The following MEGF6 variants were observed in gnomAD, a reference collection of about 807,000 sequenced individuals.
MEGF6 encodes multiple EGF like domains 6, also known as multiple epidermal growth factor-like domains protein 6.
In MEGF6, 184 loss-of-function variants were observed where a neutral mutation model predicts 207.1. The ratio of observed to expected loss-of-function variants is 0.89; its 90% CI spans 0.79 to 1.00. The LOEUF is 1.00. Ranked by LOEUF, MEGF6 falls within the 50% of genes least tolerant of loss-of-function variation. The pLI is 0.00. For synonymous variants in MEGF6, 1,038 were observed against 910.0 expected (o/e 1.14, Z -2.53); for missense variants, 2,282 against 2,202.9 (o/e 1.04, Z -0.72).
chr1:3,528,161 G>A (rs1642028392), intron 4 of MEGF6, among the ~76,000 whole-genome samples: 1 of 152,248 alleles, frequency 6.6e-6, no homozygotes, highest in Admixed American at 6.5e-5. Flanking sequence ...GAGGCCTACA[G>A]GGACAGGCAC....
At chr1:3,589,204 G>A (rs929757980) in intron 3 of MEGF6, among the ~76,000 whole-genome samples, 2 of 152,120 alleles carry the variant, frequency 1.3e-5, no homozygotes, top group Non-Finnish European at 1.5e-5. Flanking sequence ...AGCTGGAAGA[G>A]ATAGGAAGGA....
rs1319054665 is a variant in MEGF6, at chr1:3,573,662, C to G, written c.481+6163G>C. The stretch of plus-strand genomic sequence containing the variant: ...AGGCTGTGAAAAGAACATCCCTGCC[C>G]CAGAGCCCGCCCTTCCAGGAGCCCC... On this transcript the variant is annotated intron_variant, in intron 4 of 36. Transcript: ENST00000356575. The surrounding 1 kb of genome is among the most constrained non-coding windows in gnomAD (Gnocchi z 5.1). Among the ~76,000 whole-genome samples, 1 of 152,130 alleles carries G rather than the reference C, an allele frequency of 6.6e-6. No homozygotes were observed. The highest frequency in any genetic ancestry group is 1.5e-5 in the Non-Finnish European group (1 of 68,000).
chr1:3,565,170 C>T lies in MEGF6; in HGVS notation c.481+14655G>A, dbSNP rs2101662442. Among the ~76,000 whole-genome samples the T allele has an allele frequency of 6.6e-6, 1 of 152,202 alleles. No individual in the cohort carries two copies. Among genetic ancestry groups the T allele is most frequent in the East Asian group, 1.9e-4 (1 of 5,170 alleles). ...AGGTACCCCCTTCTTACCCTGGAAC[C>T]CCCTGCCTGGGTCTCGTCCTCTCTC... On this transcript the variant is annotated intron_variant, in intron 4 of 36. Coordinates refer to ENST00000356575, the MANE Select transcript of MEGF6 (RefSeq NM_001409.4). This position sits in a 1 kb window ranked among gnomAD's most constrained non-coding sequence, Gnocchi z 4.8.
intron 1 of MEGF6, among the ~76,000 whole-genome samples, chr1:3,608,750 G>A (rs917476939): frequency 1.3e-5 from 2 of 152,128 alleles, no homozygotes; most frequent in East Asian, 1.9e-4. Flanking sequence ...GTGGGCAATC[G>A]GCCCCCGTCT....
chr1:3,496,662 G>A lies in MEGF6; in HGVS notation c.3735C>T (p.Cys1245=), dbSNP rs1640616217. The change falls in exon 29 of 37, where the codon TGC becomes TGT. Residue 1245 remains cysteine (C), a synonymous_variant. Coordinates refer to ENST00000356575, the MANE Select transcript of MEGF6 (RefSeq NM_001409.4). Reference sequence around the variant, plus strand: ...CTGCCACCAGCCACTCACTGAGGTTGCAGTCCGTCCCGAGGAACCCAGTGG... The same window carrying A: ...CTGCCACCAGCCACTCACTGAGGTTACAGTCCGTCCCGAGGAACCCAGTGG... The part of the protein sequence containing the change: ...RCPTGFLGTD[C]NLTCPQGRFG... 2.5e-6 allele frequency: 4 copies of A among 1,574,978 alleles called. No homozygotes were observed. In the African/African-American group the frequency reaches 5.4e-5, roughly 21 times the overall value.
chr1:3,553,374 G>C (rs189414315), intron 4 of MEGF6, among the ~76,000 whole-genome samples: 111 of 151,826 alleles, frequency 7.3e-4, no homozygotes, highest in African/African-American at 2.6e-3. Flanking sequence ...GAGTCTTCAG[G>C]AACAGGCGGG....
At chr1:3,604,157 A>G (rs764372456) in intron 1 of MEGF6, among the ~76,000 whole-genome samples, 4 of 152,202 alleles carry the variant, frequency 2.6e-5, no homozygotes, top group Non-Finnish European at 4.4e-5. Context: ...TCTCCAGTCA[A>G]GTCCGAGAGG....
In MEGF6 at chr1:3,488,903, G is replaced by A. The variant is rs114569826; in HGVS notation, c.*1625C>T. ...TTGGTCGTCGTTGCTTCATGTCAAT[G>A]ACTTCTTACTTTTGTATTTTGCAGT... is the stretch of plus-strand genomic sequence containing the variant. On this transcript the variant is annotated 3_prime_UTR_variant, in exon 37 of 37. Coordinates refer to ENST00000356575, the MANE Select transcript of MEGF6 (RefSeq NM_001409.4). Among the ~76,000 whole-genome samples the A allele has an allele frequency of 1.1e-3, 170 of 152,240 alleles. No homozygotes were observed. Among genetic ancestry groups the A allele is most frequent in the African/African-American group, 3.9e-3 (162 of 41,530 alleles).
intron 4 of MEGF6, among the ~76,000 whole-genome samples, chr1:3,542,167 T>C (rs549311610): frequency 1.1e-4 from 17 of 152,266 alleles, no homozygotes; most frequent in Admixed American, 5.2e-4. Context: ...CAGCACAGTG[T>C]CGGGGCTGAA....
chr1:3,541,139 G>A (rs532880428), intron 4 of MEGF6, among the ~76,000 whole-genome samples: 6 of 152,174 alleles, frequency 3.9e-5, no homozygotes, highest in Admixed American at 1.3e-4. Context: ...CTCTGACTCC[G>A]CAAATGCTCC....
intron 11 of MEGF6, among the ~76,000 whole-genome samples, 177 bp downstream of exon 11, chr1:3,509,693 C>A (rs1641260171): frequency 6.6e-6 from 1 of 152,216 alleles, no homozygotes; most frequent in African/African-American, 2.4e-5. Context: ...AGAGGCAGGA[C>A]CTCAGTGGGT....
At chr1:3,563,281 G>A (rs1004306179) in intron 4 of MEGF6, among the ~76,000 whole-genome samples, 4 of 149,668 alleles carry the variant, frequency 2.7e-5, no homozygotes, top group East Asian at 1.9e-4. Flanking sequence ...TGGCCACGAC[G>A]CTGGGCACTG....
chr1:3,504,201 G>T (rs1290938193), intron 17 of MEGF6, among the ~76,000 whole-genome samples: 1 of 152,180 alleles, frequency 6.6e-6, no homozygotes, highest in Non-Finnish European at 1.5e-5. Context: ...CCATGGTCAT[G>T]CTGGTCACAC....
At chr1:3,499,017 C>T in intron 24 of MEGF6, 121 bp downstream of exon 24, 2 of 1,452,998 alleles carry the variant, frequency 1.4e-6, no homozygotes, top group East Asian at 4.9e-5. Context: ...AGGCACGGTC[C>T]TCAGTCCTAA....
Position 3,542,416 on chromosome 1 carries a change from C to T in MEGF6, c.482-18170G>A, listed in dbSNP as rs139653178. On this transcript the variant is annotated intron_variant, in intron 4 of 36. Coordinates refer to ENST00000356575, the MANE Select transcript of MEGF6 (RefSeq NM_001409.4). ...CCCGGCTGGCAGTGGAGGGAGGAAG[C>T]TGGGCTTGCATGGACACCTGCCAGG... Among the ~76,000 whole-genome samples the T allele has an allele frequency of 5.8e-3, 876 of 152,288 alleles. 9 individuals are homozygous for T. The highest frequency in any genetic ancestry group is 0.021 in the African/African-American group (856 of 41,560).
At chr1:3,613,857 C>T (rs1289346159), upstream of MEGF6, among the ~76,000 whole-genome samples, 1 of 151,828 alleles carries the variant, frequency 6.6e-6, no homozygotes, top group East Asian at 1.9e-4. Flanking sequence ...GCTGTGCTCT[C>T]CCCTGTCCCA....
chr1:3,534,031 G>A (rs1442779666), intron 4 of MEGF6, among the ~76,000 whole-genome samples: 3 of 152,054 alleles, frequency 2.0e-5, no homozygotes, highest in East Asian at 1.9e-4. Flanking sequence ...CTCCTGCCTC[G>A]TGCTGTCTCG....
At chr1:3,491,135 G>C (rs1425977497) in intron 35 of MEGF6, among the ~76,000 whole-genome samples, 176 bp from the exon 36 acceptor site, 3 of 152,058 alleles carry the variant, frequency 2.0e-5, no homozygotes, top group South Asian at 4.2e-4. Flanking sequence ...AGCTGGGGGG[G>C]GGGGCTCTCC....
chr1:3,602,819 C>T (rs1644182090), intron 1 of MEGF6, among the ~76,000 whole-genome samples: 1 of 152,208 alleles, frequency 6.6e-6, no homozygotes, highest in African/African-American at 2.4e-5. Context: ...ATGACCGCAA[C>T]ATCCCCCACG....
Sources: allele counts gnomAD v4.1 joint callset (sites outside exome capture counted in the v4.1 genomes callset), GRCh38; gene constraint gnomAD v4.1.1; non-coding constraint Gnocchi (gnomAD v3.1); transcripts MANE v1.5; gene names NCBI Gene and HGNC (gene_info 2026-07-23, HGNC 2026-07-21).